Variants in CAMTA1 observed in about 807,000 individuals in gnomAD.
CAMTA1 encodes the protein calmodulin-binding transcription activator 1.
Under a neutral mutation model 170.9 loss-of-function variants are expected in CAMTA1, and 27 were observed. The ratio of observed to expected loss-of-function variants is 0.16; its 90% CI spans 0.12 to 0.22. The LOEUF is 0.22. Ranked by LOEUF, CAMTA1 falls within the 10% of genes least tolerant of loss-of-function variation. The pLI is 1.00. For synonymous variants in CAMTA1, 833 were observed against 891.5 expected (o/e 0.93, Z 1.17); for missense variants, 1,619 against 2,217.2 (o/e 0.73, Z 5.42).
intron 5 of CAMTA1, among the ~76,000 whole-genome samples, chr1:7,342,395 G>A (rs150744323): frequency 6.6e-6 from 1 of 152,290 alleles, no homozygotes; most frequent in African/African-American, 2.4e-5. Context: ...CCATCATGGG[G>A]GCACAGCAGC....
intron 4 of CAMTA1, among the ~76,000 whole-genome samples, chr1:7,182,356 C>T (rs1652350706): frequency 6.6e-6 from 1 of 151,962 alleles, no homozygotes; most frequent in Non-Finnish European, 1.5e-5. Context: ...GCCTGGGCAA[C>T]ATGGCAAAAC....
At chr1:6,876,773 A>T (rs1670022610) in intron 3 of CAMTA1, among the ~76,000 whole-genome samples, 1 of 152,210 alleles carries the variant, frequency 6.6e-6, no homozygotes, top group East Asian at 1.9e-4. Flanking sequence ...GTCCTAACTT[A>T]GGTGGTTTAT....
chr1:7,131,797 TG>T (rs2148541707), intron 4 of CAMTA1, among the ~76,000 whole-genome samples: 1 of 152,318 alleles, frequency 6.6e-6, no homozygotes, highest in South Asian at 2.1e-4. Flanking sequence ...GGCTCACGCT[TG>T]TAATCCCAGC....
chr1:6,901,828 T>G (rs1473440347), intron 3 of CAMTA1, among the ~76,000 whole-genome samples: 1 of 152,054 alleles, frequency 6.6e-6, no homozygotes, highest in Non-Finnish European at 1.5e-5. Flanking sequence ...GGTGGATCAC[T>G]TGAAGTCAGG....
intron 3 of CAMTA1, among the ~76,000 whole-genome samples, chr1:6,930,204 C>T (rs1014973944): frequency 1.3e-5 from 2 of 152,188 alleles, no homozygotes; most frequent in African/African-American, 4.8e-5. Flanking sequence ...GGCCTTGCCT[C>T]TCCTCGATCC....
chr1:7,110,125 G>T (rs1573130722), intron 4 of CAMTA1, among the ~76,000 whole-genome samples: 2 of 152,236 alleles, frequency 1.3e-5, no homozygotes, highest in East Asian at 3.9e-4. Context: ...TGGGCTCCAG[G>T]TGATGGCTTA....
intron 4 of CAMTA1, among the ~76,000 whole-genome samples, chr1:7,177,274 A>T (rs1410539829): frequency 4.0e-5 from 6 of 150,088 alleles, no homozygotes; most frequent in Non-Finnish European, 8.9e-5. Flanking sequence ...CCTTCCCAAC[A>T]CGCAGGCTCC....
At chr1:6,891,424 C>G (rs888379214) in intron 3 of CAMTA1, among the ~76,000 whole-genome samples, 7 of 152,214 alleles carry the variant, frequency 4.6e-5, no homozygotes, top group Admixed American at 2.0e-4. Flanking sequence ...TGCTTCCAAA[C>G]CATCCTTCTG....
chr1:7,363,364 T>G (rs1446620353), intron 5 of CAMTA1, among the ~76,000 whole-genome samples: 1 of 152,178 alleles, frequency 6.6e-6, no homozygotes, highest in Non-Finnish European at 1.5e-5. Flanking sequence ...AAATATTACT[T>G]TATCATCTTC....
At chr1:7,531,152 G>A (rs747204248) in intron 6 of CAMTA1, among the ~76,000 whole-genome samples, 9 of 141,934 alleles carry the variant, frequency 6.3e-5, no homozygotes, top group Non-Finnish European at 9.2e-5. Flanking sequence ...ATGTTAAGAT[G>A]AAGGGATGGA....
rs542695001 is a variant in CAMTA1, at chr1:7,309,428, T to C, written c.438+59802T>C. ...AATTCTCGTGCCTCAGCCTCCCAAG[T>C]AGCTGGGACTACAGGCGCCCGCCAC... On this transcript the variant is annotated intron_variant, in intron 5 of 22. Transcript: ENST00000303635. 1.3e-4 allele frequency among the ~76,000 whole-genome samples: 20 copies of C among 149,560 alleles called. No homozygotes were observed. In the East Asian group the frequency reaches 3.9e-3, roughly 29 times the overall value.
intron 5 of CAMTA1, among the ~76,000 whole-genome samples, chr1:7,422,757 G>T (rs766965387): frequency 1.4e-4 from 21 of 152,142 alleles, no homozygotes; most frequent in Non-Finnish European, 2.5e-4. Context: ...CTTCCCACAT[G>T]GGGCTGGCAC....
chr1:6,979,393 C>A (rs1694037655), intron 3 of CAMTA1, among the ~76,000 whole-genome samples: 1 of 152,206 alleles, frequency 6.6e-6, no homozygotes, highest in Non-Finnish European at 1.5e-5. Context: ...AAATGGGTCT[C>A]CAGCAGCTCC....
chr1:7,589,335 G>A (rs1053288933), intron 6 of CAMTA1, among the ~76,000 whole-genome samples: 2 of 152,198 alleles, frequency 1.3e-5, no homozygotes, highest in Admixed American at 1.3e-4. Flanking sequence ...GCTGTGGCAG[G>A]GTTCCCCACA....
chr1:7,429,760 C>T (rs1039549834), intron 5 of CAMTA1, among the ~76,000 whole-genome samples: 1 of 149,384 alleles, frequency 6.7e-6, no homozygotes, highest in African/African-American at 2.5e-5. Flanking sequence ...GTTTAATTGG[C>T]TCACATTTCT....
chr1:7,729,800 G>A (rs967870204), intron 11 of CAMTA1, among the ~76,000 whole-genome samples: 5 of 152,236 alleles, frequency 3.3e-5, no homozygotes, highest in African/African-American at 7.2e-5. Flanking sequence ...AGTGGTGCCT[G>A]GTGTGCAGGA....
intron 5 of CAMTA1, among the ~76,000 whole-genome samples, chr1:7,417,447 T>G (rs999742098): frequency 6.6e-6 from 1 of 151,770 alleles, no homozygotes; most frequent in African/African-American, 2.4e-5. Flanking sequence ...TCCCGGCTGC[T>G]TTGTTTACCT....
At chr1:7,668,459 C>T (rs1331957823) in intron 9 of CAMTA1, among the ~76,000 whole-genome samples, 2 of 151,862 alleles carry the variant, frequency 1.3e-5, no homozygotes, top group Non-Finnish European at 2.9e-5. Flanking sequence ...AGGCGTCCCC[C>T]TATGCCCCAG....
chr1:7,440,928 T>C (rs1001239465), intron 5 of CAMTA1, among the ~76,000 whole-genome samples: 1 of 152,212 alleles, frequency 6.6e-6, no homozygotes, highest in Non-Finnish European at 1.5e-5. Context: ...GGTAGCTTGG[T>C]CCTCCTACCT....
Sources: allele counts gnomAD v4.1 joint callset (sites outside exome capture counted in the v4.1 genomes callset), GRCh38; gene constraint gnomAD v4.1.1; transcripts MANE v1.5; gene names NCBI Gene and HGNC (gene_info 2026-07-23, HGNC 2026-07-21).